Variants in LGR5 observed in about 807,000 individuals in gnomAD.
The protein encoded by LGR5 is leucine rich repeat containing G protein-coupled receptor 5.
LGR5 carries 54 observed loss-of-function variants against 76.7 expected under a neutral mutation model. That is an observed-to-expected ratio of 0.70 (90% CI 0.57 to 0.88). The LOEUF (loss-of-function observed/expected upper bound fraction) is 0.88, where lower values mean the gene tolerates loss of function less well. LGR5 is among the 40% of genes least tolerant of loss of function. The pLI, the probability that LGR5 is intolerant of heterozygous loss-of-function variation, is 0.00. For synonymous variants in LGR5, 406 were observed against 421.9 expected (o/e 0.96, Z 0.46); for missense variants, 1,078 against 1,073.3 (o/e 1.00, Z -0.06).
chr12:71,568,597 C>A (rs1405731207), intron 11 of LGR5, among the ~76,000 whole-genome samples: 2 of 152,150 alleles, frequency 1.3e-5, no homozygotes, highest in African/African-American at 4.8e-5. Context: ...CTATAATATT[C>A]ATTTGTTCTT....
intron 11 of LGR5, among the ~76,000 whole-genome samples, chr12:71,570,012 C>T (rs1222476857): frequency 6.6e-6 from 1 of 152,170 alleles, no homozygotes; most frequent in Non-Finnish European, 1.5e-5. Context: ...TTTGCAGGGA[C>T]ATGGATGAAG....
chr12:71,443,914 A>ATT (rs148323529), intron 1 of LGR5, among the ~76,000 whole-genome samples: 15 of 149,594 alleles, frequency 1.0e-4, no homozygotes, highest in Middle Eastern at 3.5e-3. Flanking sequence ...AAGAGAAAAG[A>ATT]TTTTTTTTTT....
chr12:71,545,271 C>T (rs1565740009), intron 4 of LGR5, among the ~76,000 whole-genome samples: 1 of 152,052 alleles, frequency 6.6e-6, no homozygotes, highest in Admixed American at 6.6e-5. Flanking sequence ...CATGGTGAAA[C>T]CCTGTCTCTA....
intron 1 of LGR5, among the ~76,000 whole-genome samples, chr12:71,450,822 A>G (rs552696469): frequency 6.6e-6 from 1 of 152,172 alleles, no homozygotes; most frequent in Admixed American, 6.5e-5. Flanking sequence ...ACATACGCAC[A>G]CACTCCCTAC....
intron 1 of LGR5, among the ~76,000 whole-genome samples, chr12:71,498,151 T>C (rs902323786): frequency 5.3e-5 from 8 of 152,004 alleles, no homozygotes; most frequent in African/African-American, 1.7e-4. Context: ...CTTTGAGGAA[T>C]CCCTAGGAAA....
intron 1 of LGR5, among the ~76,000 whole-genome samples, chr12:71,498,846 G>C (rs1297473317): frequency 6.6e-6 from 1 of 152,182 alleles, no homozygotes; most frequent in African/African-American, 2.4e-5. Flanking sequence ...AAGAATCCCA[G>C]TTATTTCCAT....
chr12:71,570,330 T>G (rs1221496716), intron 11 of LGR5, among the ~76,000 whole-genome samples: 1 of 152,132 alleles, frequency 6.6e-6, no homozygotes, highest in East Asian at 1.9e-4. Context: ...AAAATAATTT[T>G]TTTTAAAGTG....
intron 1 of LGR5, among the ~76,000 whole-genome samples, chr12:71,473,460 T>A (rs1227788281): frequency 6.6e-6 from 1 of 152,124 alleles, no homozygotes; most frequent in South Asian, 2.1e-4. Context: ...TCCACTGCCC[T>A]GTCTGTTTTA....
chr12:71,497,135 G>A (rs992956365), intron 1 of LGR5, among the ~76,000 whole-genome samples: 3 of 151,708 alleles, frequency 2.0e-5, no homozygotes, highest in African/African-American at 7.3e-5. Flanking sequence ...GCAACATAGT[G>A]AGACCTCATC....
chr12:71,442,287 A>T (rs1296358806), intron 1 of LGR5, among the ~76,000 whole-genome samples: 1 of 152,166 alleles, frequency 6.6e-6, no homozygotes, highest in Non-Finnish European at 1.5e-5. Flanking sequence ...TGTGTCCTCC[A>T]TGTGCTCAGG....
chr12:71,578,516 T>C (rs887429644), intron 14 of LGR5, among the ~76,000 whole-genome samples: 9 of 152,184 alleles, frequency 5.9e-5, no homozygotes, highest in Non-Finnish European at 2.9e-5. Flanking sequence ...CTTTTCAAAT[T>C]AAATATAGCA....
chr12:71,517,975 A>T (rs527981273), intron 2 of LGR5, among the ~76,000 whole-genome samples: 1 of 152,042 alleles, frequency 6.6e-6, no homozygotes, highest in African/African-American at 2.4e-5. Context: ...CCACCACTTC[A>T]TGCCACCTCT....
At chr12:71,536,294 G>A (rs1876581795) in intron 4 of LGR5, among the ~76,000 whole-genome samples, 1 of 152,156 alleles carries the variant, frequency 6.6e-6, no homozygotes, top group Admixed American at 6.5e-5. Context: ...ATAGAAGGAG[G>A]ACTGTGAGAT....
At chr12:71,522,383 C>T (rs892718997) in intron 2 of LGR5, among the ~76,000 whole-genome samples, 2 of 151,986 alleles carry the variant, frequency 1.3e-5, no homozygotes, top group Admixed American at 6.6e-5. Context: ...TTATAGGAAA[C>T]AAAGAAATAA....
chr12:71,464,682 A>G lies in LGR5; in HGVS notation c.212+24390A>G, dbSNP rs1243069040. Reference sequence around the variant, plus strand: ...TAAGTCTATATTAAGGAGAGTTTCAACCGGCTACAGGATACATCTGTTGTT... The same window carrying G: ...TAAGTCTATATTAAGGAGAGTTTCAGCCGGCTACAGGATACATCTGTTGTT... On this transcript the variant is annotated intron_variant, in intron 1 of 17. Transcript: ENST00000266674. 3.3e-5 allele frequency among the ~76,000 whole-genome samples: 5 copies of G among 152,346 alleles called. No individual in the cohort carries two copies. In the South Asian group the frequency reaches 6.2e-4, roughly 19 times the overall value.
chr12:71,575,349 G>A (rs1435709192), intron 13 of LGR5, among the ~76,000 whole-genome samples: 4 of 152,182 alleles, frequency 2.6e-5, no homozygotes, highest in Non-Finnish European at 4.4e-5. Context: ...AGTCATTTAA[G>A]ATGGTTGAAA....
chr12:71,523,379 T>C (rs1374882245), intron 2 of LGR5, among the ~76,000 whole-genome samples: 4 of 151,996 alleles, frequency 2.6e-5, no homozygotes, highest in Admixed American at 2.0e-4. Flanking sequence ...GGCTGGGTAC[T>C]ATGGCACACC....
chr12:71,552,690 A>G (rs1408210691), intron 4 of LGR5, among the ~76,000 whole-genome samples: 2 of 152,222 alleles, frequency 1.3e-5, no homozygotes, highest in Non-Finnish European at 2.9e-5. Context: ...CAGGGAAAGC[A>G]AAAACATTCC....
chr12:71,484,699 CT>C (rs1461534956), intron 1 of LGR5, among the ~76,000 whole-genome samples: 1 of 152,180 alleles, frequency 6.6e-6, no homozygotes, highest in African/African-American at 2.4e-5. Flanking sequence ...GCTTCCTTCT[CT>C]ATTTTGGGAT....
Sources: allele counts gnomAD v4.1 joint callset (sites outside exome capture counted in the v4.1 genomes callset), GRCh38; gene constraint gnomAD v4.1.1; transcripts MANE v1.5; gene names NCBI Gene and HGNC (gene_info 2026-07-23, HGNC 2026-07-21).